Variants in TLN2 observed in about 807,000 individuals in gnomAD.
The protein encoded by TLN2 is talin 2.
Under a neutral mutation model 294.7 loss-of-function variants are expected in TLN2, and 118 were observed. The ratio of observed to expected loss-of-function variants is 0.40; its 90% CI spans 0.34 to 0.47. The LOEUF (loss-of-function observed/expected upper bound fraction) is 0.47, where lower values mean the gene tolerates loss of function less well. Among genes scored for constraint, TLN2 ranks in the 20% least tolerant of loss-of-function variants. The pLI, the probability that TLN2 is intolerant of heterozygous loss-of-function variation, is 0.84. For missense variants in TLN2, 3,083 were observed against 3,282.2 expected (o/e 0.94, Z 1.48); for synonymous variants, 1,431 against 1,304.5 (o/e 1.10, Z -2.09).
intron 1 of TLN2, among the ~76,000 whole-genome samples, chr15:62,582,211 C>CACACACACACACACACACACAT (rs2045129429): frequency 8.1e-6 from 1 of 124,218 alleles, no homozygotes; most frequent in Non-Finnish European, 1.7e-5. Flanking sequence ...CACACACACA[C>CACACACACACACACACACACAT]ACACACACAC....
At chr15:62,471,717 G>A (rs893278502) in intron 1 of TLN2, among the ~76,000 whole-genome samples, 1 of 152,326 alleles carries the variant, frequency 6.6e-6, no homozygotes, top group African/African-American at 2.4e-5. Flanking sequence ...TAACTGAGAT[G>A]AAAGATAAGA....
At chr15:62,651,402 G>A (rs187094343) in intron 5 of TLN2, among the ~76,000 whole-genome samples, 1 of 152,180 alleles carries the variant, frequency 6.6e-6, no homozygotes, top group African/African-American at 2.4e-5. Flanking sequence ...AGAATGTTCA[G>A]TACACTATTT....
At chr15:62,485,213 C>G (rs1475068791) in intron 1 of TLN2, among the ~76,000 whole-genome samples, 2 of 152,186 alleles carry the variant, frequency 1.3e-5, no homozygotes, top group Non-Finnish European at 2.9e-5. Flanking sequence ...ATCTCAAAGT[C>G]TTTAACTTGA....
intron 3 of TLN2, among the ~76,000 whole-genome samples, chr15:62,632,073 C>T (rs1175029282): frequency 6.6e-6 from 1 of 152,152 alleles, no homozygotes; most frequent in Non-Finnish European, 1.5e-5. Flanking sequence ...GTTATGTGTG[C>T]TCCCCCCGAA....
At chr15:62,837,245 T>C (rs1172955213) in intron 57 of TLN2, among the ~76,000 whole-genome samples, 2 of 152,212 alleles carry the variant, frequency 1.3e-5, no homozygotes, top group Admixed American at 6.5e-5. Flanking sequence ...ATTTGATACC[T>C]GGGATAAACC....
intron 1 of TLN2, among the ~76,000 whole-genome samples, chr15:62,459,534 G>C (rs1408379630): frequency 1.3e-5 from 2 of 152,172 alleles, no homozygotes; most frequent in Non-Finnish European, 2.9e-5. Context: ...GAAAGTGTGT[G>C]CATGCCTGTG....
At chr15:62,825,776 A>ATATATTATATATTATAATATATATT (rs1491419500) in intron 54 of TLN2, among the ~76,000 whole-genome samples, 8 of 28,690 alleles carry the variant, frequency 2.8e-4, no homozygotes. Flanking sequence ...TATATTATAT[A>ATATATTATATATTATAATATATATT]ATATATTATA....
At chr15:62,783,027 G>A (rs994018480) in intron 44 of TLN2, among the ~76,000 whole-genome samples, 1 of 152,172 alleles carries the variant, frequency 6.6e-6, no homozygotes, top group Non-Finnish European at 1.5e-5. Flanking sequence ...CATGCCAGCT[G>A]CCTTAGATAA....
At chr15:62,662,646 A>G (rs1483994458) in intron 9 of TLN2, among the ~76,000 whole-genome samples, 1 of 152,206 alleles carries the variant, frequency 6.6e-6, no homozygotes, top group Non-Finnish European at 1.5e-5. Context: ...CTGGAGATAC[A>G]GCAGTGAAAG....
chr15:62,394,195 G>A (rs965086343), intron 1 of TLN2, among the ~76,000 whole-genome samples: 1 of 152,162 alleles, frequency 6.6e-6, no homozygotes, highest in Admixed American at 6.5e-5. Flanking sequence ...AAAGTTGCCT[G>A]TCTGTTTACC....
At chr15:62,791,564 C>T (rs897534645) in intron 45 of TLN2, among the ~76,000 whole-genome samples, 4 of 152,190 alleles carry the variant, frequency 2.6e-5, no homozygotes, top group Non-Finnish European at 5.9e-5. Context: ...CTTTCTTTAA[C>T]TGTGACTAAT....
Position 62,776,998 on chromosome 15 carries a change from G to A in TLN2, c.5514+88G>A, listed in dbSNP as rs1237471367. 8 of 1,223,584 alleles carry A rather than the reference G, an allele frequency of 6.5e-6. No individual in the cohort carries two copies. In the Admixed American group the frequency reaches 2.6e-4, roughly 40 times the overall value. 75.8% of individuals were successfully genotyped at this position (1,223,584 alleles called of 1,614,324 possible). ...TTTCTCTAAGCTGTCAAGGCTCATA[G>A]CAACAAGCCTCTTCTTTTCTTGAAG... On this transcript the variant is annotated intron_variant, in intron 43 of 58. Coordinates refer to ENST00000636159, the MANE Select transcript of TLN2 (RefSeq NM_015059.3).
At chr15:62,783,610 A>G (rs1454951475) in intron 44 of TLN2, among the ~76,000 whole-genome samples, 161 bp from the exon 45 acceptor site, 1 of 152,216 alleles carries the variant, frequency 6.6e-6, no homozygotes, top group East Asian at 1.9e-4. Flanking sequence ...TGCCCTCTCC[A>G]GCATCTAGCC....
intron 21 of TLN2, among the ~76,000 whole-genome samples, chr15:62,709,951 T>A (rs1203621809): frequency 1.3e-5 from 2 of 152,060 alleles, no homozygotes; most frequent in African/African-American, 4.8e-5. Context: ...GCCAGGCTGG[T>A]CTCGAACTCC....
At chr15:62,465,104 G>GTTTTTTTTTTTT (rs57890839) in intron 1 of TLN2, among the ~76,000 whole-genome samples, 1 of 85,514 alleles carries the variant, frequency 1.2e-5, no homozygotes, top group Non-Finnish European at 2.1e-5. Flanking sequence ...TGGTGAGCGC[G>GTTTTTTTTTTTT]TTTTTTTTTT....
At chr15:62,517,605 A>G (rs1402615000) in intron 1 of TLN2, among the ~76,000 whole-genome samples, 2 of 152,310 alleles carry the variant, frequency 1.3e-5, no homozygotes, top group East Asian at 1.9e-4. Flanking sequence ...AAACAAAAAA[A>G]TGACATTGGC....
chr15:62,590,911 T>C (rs1424426451), intron 2 of TLN2, among the ~76,000 whole-genome samples: 1 of 152,084 alleles, frequency 6.6e-6, no homozygotes, highest in African/African-American at 2.4e-5. Context: ...TGTAGATTGG[T>C]CTAACCTGGT....
chr15:62,828,466 C>G (rs889549816), intron 54 of TLN2: 6 of 152,256 alleles, frequency 3.9e-5, no homozygotes, highest in African/African-American at 1.2e-4. Flanking sequence ...GTTTGTACAT[C>G]TGTTCACTCT....
intron 1 of TLN2, among the ~76,000 whole-genome samples, chr15:62,584,829 G>T (rs1308447640): frequency 6.6e-6 from 1 of 152,212 alleles, no homozygotes; most frequent in African/African-American, 2.4e-5. Flanking sequence ...ATAATTAGTA[G>T]TAAATGTGTC....
Sources: gnomAD v4.1 joint callset for allele counts (sites outside exome capture counted in the v4.1 genomes callset) on GRCh38, gnomAD v4.1.1 for gene constraint, MANE v1.5 for transcripts, NCBI Gene and HGNC (gene_info 2026-07-23, HGNC 2026-07-21) for gene names.